Variants in CABIN1 observed in about 807,000 individuals in gnomAD.
CABIN1 encodes calcineurin binding protein 1, also known as calcineurin-binding protein cabin-1.
CABIN1 carries 133 observed loss-of-function variants against 227.7 expected under a neutral mutation model. The observed-to-expected ratio is 0.58, with a 90% CI of 0.51 to 0.67. The LOEUF is 0.67. Among genes scored for constraint, CABIN1 ranks in the 30% least tolerant of loss-of-function variants. The pLI is 0.00. For synonymous variants in CABIN1, 1,086 were observed against 1,155.1 expected, an observed-to-expected ratio of 0.94 and a Z score of 1.21; for missense variants, 2,408 against 2,852.5, an observed-to-expected ratio of 0.84 and a Z score of 3.55.
chr22:24,051,850 A>G (rs1209349401), intron 8 of CABIN1, among the ~76,000 whole-genome samples: 2 of 151,820 alleles, frequency 1.3e-5, no homozygotes, highest in African/African-American at 4.8e-5. Context: ...CATAGCACCC[A>G]CTCAGGAAGG....
chr22:24,096,619 A>T (rs1043792372), intron 25 of CABIN1, among the ~76,000 whole-genome samples: 1 of 152,162 alleles, frequency 6.6e-6, no homozygotes, highest in African/African-American at 2.4e-5. Context: ...TCATCTCCAC[A>T]GCCCAGACTT....
At chr22:24,166,387 AG>A (rs1211554381) in intron 31 of CABIN1, among the ~76,000 whole-genome samples, 1 of 152,238 alleles carries the variant, frequency 6.6e-6, no homozygotes, top group Admixed American at 6.5e-5. Context: ...GAGTCCCGTC[AG>A]CCCCTTGCTA....
rs764021847 is a variant in CABIN1 at position 24,095,957 on chromosome 22, C to T, written c.3813C>T (p.Ile1271=). 6.2e-7 allele frequency: 1 copy of T among 1,614,130 alleles called. No individual in the cohort carries two copies. Among genetic ancestry groups the T allele is most frequent in the Non-Finnish European group, 8.5e-7 (1 of 1,180,006 alleles). The change falls in exon 25 of 37, where the codon ATC becomes ATT. Residue 1271 remains isoleucine (I), a synonymous_variant. Coordinates refer to ENST00000263119, the MANE Select transcript of CABIN1 (RefSeq NM_012295.4). ...LEVYFRLHAS[I]LKLLGKPDSG... is the part of the protein sequence containing the mutation. The stretch of plus-strand genomic sequence containing the variant: ...TGTACTTTCGGCTCCATGCTTCCAT[C>T]CTGAAGCTCCTGGGGAAGCCCGATT...
In CABIN1 at chr22:24,164,533, C is replaced by T. The variant is rs2046339511; in HGVS notation, c.4880C>T (p.Ser1627Phe). Residue 1627 changes from serine to phenylalanine, a missense_variant, in exon 30 of 37, where the codon TCC (serine) becomes TTC (phenylalanine). Coordinates refer to ENST00000263119, the MANE Select transcript of CABIN1 (RefSeq NM_012295.4). ...RDHSTLLKVS[S>F]MLQRTPDQGK... ...CACAGCACCCTGCTGAAGGTGTCCT[C>T]CATGCTTCAGCGGACCCCAGACCAG... is the stretch of plus-strand genomic sequence containing the variant. The T allele has an allele frequency of 1.9e-6, 3 of 1,605,458 alleles. No homozygotes were observed. Among genetic ancestry groups the T allele is most frequent in the South Asian group, 2.2e-5 (2 of 91,090 alleles).
At chr22:24,049,363 C>A (rs748416616) in intron 7 of CABIN1, 143 bp downstream of exon 7, 3 of 1,029,014 alleles carry the variant, frequency 2.9e-6, no homozygotes, top group African/African-American at 3.2e-5. Context: ...AGCCCCTGAT[C>A]TAGTGAACTG....
chr22:24,091,549 G>T (rs772679761), intron 23 of CABIN1, 34 bp from the exon 24 acceptor site: 28 of 1,613,840 alleles, frequency 1.7e-5, no homozygotes, highest in Non-Finnish European at 2.3e-5. Flanking sequence ...AGGTTCAGGC[G>T]TAAGGCCAGC....
At chr22:24,175,728 C>T (rs555365945) in intron 34 of CABIN1, 1 of 341,104 alleles carries the variant, frequency 2.9e-6, no homozygotes, top group South Asian at 2.7e-5. Flanking sequence ...GTCCTGACCT[C>T]GTTTCTGAAT....
chr22:24,168,613 T>C (rs2046598872), intron 33 of CABIN1, 92 bp downstream of exon 33: 2 of 1,050,746 alleles, frequency 1.9e-6, no homozygotes, highest in Admixed American at 2.0e-5. Context: ...GATCCACTCT[T>C]GGGACTGTTC....
intron 24 of CABIN1, among the ~76,000 whole-genome samples, 192 bp from the exon 25 acceptor site, chr22:24,095,739 G>C (rs1260375454): frequency 6.6e-6 from 1 of 152,228 alleles, no homozygotes; most frequent in Non-Finnish European, 1.5e-5. Context: ...AATGCTGACA[G>C]TATACATTTT....
chr22:24,160,854 C>T (rs2046112130), intron 29 of CABIN1, among the ~76,000 whole-genome samples: 1 of 152,264 alleles, frequency 6.6e-6, no homozygotes, highest in South Asian at 2.1e-4. Context: ...CATAAATGGA[C>T]AGGGCAAGAG....
intron 24 of CABIN1, 111 bp downstream of exon 24, chr22:24,091,954 A>G (rs1057252925): frequency 3.7e-6 from 5 of 1,344,976 alleles, no homozygotes; most frequent in South Asian, 1.3e-5. Flanking sequence ...ACCTGCCGCA[A>G]ACTTATCTGT....
chr22:24,096,093 C>T lies in CABIN1; in HGVS notation c.3938+11C>T, dbSNP rs762137475. The T allele has an allele frequency of 6.2e-7, 1 of 1,613,930 alleles. No homozygotes were observed. The highest frequency in any genetic ancestry group is 1.3e-5 in the African/African-American group (1 of 74,992). On this transcript the variant is annotated intron_variant, in intron 25 of 36. Coordinates refer to ENST00000263119, the MANE Select transcript of CABIN1 (RefSeq NM_012295.4). ...CAAAGCTTCAGAAAAGTGAGTAGCA[C>T]CCTTCAGGCGACCCCTAGCAGCTTA...
At chr22:24,055,252 A>G in intron 9 of CABIN1, 93 bp downstream of exon 9, 2 of 1,418,642 alleles carry the variant, frequency 1.4e-6, no homozygotes, top group East Asian at 2.4e-5. Flanking sequence ...CTCCCTAGAC[A>G]GAAGGGTCAT....
chr22:24,063,945 A>G, intron 14 of CABIN1, 90 bp from the exon 15 acceptor site: 2 of 1,546,242 alleles, frequency 1.3e-6, no homozygotes, highest in Non-Finnish European at 1.8e-6. Flanking sequence ...CATGGCCTCC[A>G]CAGTCTAGTG....
chr22:24,068,645 T>C (rs987114742), intron 16 of CABIN1, among the ~76,000 whole-genome samples: 1 of 152,252 alleles, frequency 6.6e-6, no homozygotes, highest in Non-Finnish European at 1.5e-5. Context: ...CTTATTGATT[T>C]GGAGTGCTTT....
At chr22:24,044,766 G>A (rs1215954356) in intron 6 of CABIN1, among the ~76,000 whole-genome samples, 1 of 152,062 alleles carries the variant, frequency 6.6e-6, no homozygotes, top group Non-Finnish European at 1.5e-5. Flanking sequence ...TTTCTTCATT[G>A]TCCAATAGCA....
chr22:24,153,420 T>C (rs535000231), intron 29 of CABIN1, among the ~76,000 whole-genome samples: 42 of 152,312 alleles, frequency 2.8e-4, no homozygotes, highest in African/African-American at 9.9e-4. Flanking sequence ...AGGGTTTTCC[T>C]GCATAGGGTG....
chr22:24,119,493 C>A lies in CABIN1; in HGVS notation c.4427C>A (p.Thr1476Asn), dbSNP rs1393075487. Residue 1476 changes from threonine (T) to asparagine (N), a missense_variant, in exon 28 of 37, where the codon ACC becomes AAC. Thr to Asn is a moderately conservative substitution (Grantham distance 65). Around this residue, in one of 3 missense-constraint regions of CABIN1, gnomAD observed 649 missense variants for 910.3 expected, o/e 0.71. Coordinates refer to ENST00000263119, the MANE Select transcript of CABIN1 (RefSeq NM_012295.4). ...GGCAAGCCCTCAGCATCCACACCCA[C>A]CCTGTGGGATGGGAAGAAGAGAGGG... ...IPGKPSASTP[T>N]LWDGKKRGDL... is the part of the protein sequence containing the mutation. The A allele has an allele frequency of 6.2e-7, 1 of 1,613,994 alleles. No homozygotes were observed. The highest frequency in any genetic ancestry group is 1.3e-5 in the African/African-American group (1 of 74,940).
Position 24,178,353 on chromosome 22 carries a change from G to A in CABIN1, c.*157G>A, listed in dbSNP as rs2047233359. On this transcript the variant is annotated 3_prime_UTR_variant, in exon 37 of 37. Coordinates refer to ENST00000263119, the MANE Select transcript of CABIN1 (RefSeq NM_012295.4). ...CCCACCTCCTCATGGCATCCTCCCT[G>A]TACCCAGGTCAGGCTGTCCACACCA... is the stretch of plus-strand genomic sequence containing the variant. The A allele has an allele frequency of 3.3e-6, 3 of 902,742 alleles. No homozygotes were observed. The highest frequency in any genetic ancestry group is 5.0e-6 in the Non-Finnish European group (3 of 596,266). 55.9% of individuals were successfully genotyped at this position (902,742 alleles called of 1,614,324 possible).
Sources: gnomAD v4.1 joint callset for allele counts (sites outside exome capture counted in the v4.1 genomes callset) on GRCh38, gnomAD v4.1.1 for gene constraint, gnomAD v4.1.1 regional missense constraint, MANE v1.5 for transcripts, NCBI Gene and HGNC (gene_info 2026-07-23, HGNC 2026-07-21) for gene names.